Variants in AUTS2 observed in about 807,000 individuals in gnomAD.
AUTS2 encodes the protein autism susceptibility gene 2 protein.
AUTS2 carries 17 observed loss-of-function variants against 112.4 expected under a neutral mutation model. The ratio of observed to expected loss-of-function variants is 0.15; its 90% CI spans 0.10 to 0.23. The LOEUF (loss-of-function observed/expected upper bound fraction) is 0.23, where lower values mean the gene tolerates loss of function less well. Ranked by LOEUF, AUTS2 falls within the 10% of genes least tolerant of loss-of-function variation. The probability of loss-of-function intolerance (pLI) is 1.00; values close to 1 mark genes in which losing one functional copy is unlikely to be tolerated. For synonymous variants in AUTS2, 751 were observed against 702.7 expected (o/e 1.07, Z -1.09); for missense variants, 1,510 against 1,701.6 (o/e 0.89, Z 1.98).
At chr7:70,535,209 A>T (rs916042053) in intron 5 of AUTS2, among the ~76,000 whole-genome samples, 1 of 152,204 alleles carries the variant, frequency 6.6e-6, no homozygotes, top group African/African-American at 2.4e-5. Context: ...TTATGGGATT[A>T]TTGGCAGAAT....
chr7:69,832,219 T>C (rs1791534055), intron 1 of AUTS2, among the ~76,000 whole-genome samples: 1 of 152,216 alleles, frequency 6.6e-6, no homozygotes, highest in Non-Finnish European at 1.5e-5. Context: ...AACCTTTTGT[T>C]TCTTTCTTCT....
At chr7:70,698,852 A>G (rs1397471929) in intron 6 of AUTS2, 11 of 414,748 alleles carry the variant, frequency 2.7e-5, no homozygotes, top group Non-Finnish European at 4.7e-5. Flanking sequence ...TGATTTGACT[A>G]ATCACTACTA....
intron 1 of AUTS2, among the ~76,000 whole-genome samples, chr7:69,689,669 TTTATTTATTTATTTATTTA>T (rs1797237230): frequency 7.1e-6 from 1 of 141,016 alleles, no homozygotes; most frequent in Non-Finnish European, 1.5e-5. Flanking sequence ...TATTTATTTA[TTTATTTATTTATTTATTTA>T]TTTATTTGAG....
chr7:70,665,529 G>A (rs950612082), intron 5 of AUTS2, among the ~76,000 whole-genome samples: 8 of 151,536 alleles, frequency 5.3e-5, no homozygotes, highest in African/African-American at 1.7e-4. Flanking sequence ...CTGAAGTCCT[G>A]GGCTCAAGTG....
chr7:69,606,920 C>T (rs953065892), intron 1 of AUTS2, among the ~76,000 whole-genome samples: 1 of 152,218 alleles, frequency 6.6e-6, no homozygotes, highest in African/African-American at 2.4e-5. Flanking sequence ...AGTGTGTCTT[C>T]TTTCTTCCAA....
intron 5 of AUTS2, among the ~76,000 whole-genome samples, chr7:70,560,118 G>A (rs183851150): frequency 3.4e-4 from 52 of 152,200 alleles, no homozygotes; most frequent in Non-Finnish European, 3.2e-4. Flanking sequence ...GCTCTATCCC[G>A]TTATATAGAT....
intron 4 of AUTS2, among the ~76,000 whole-genome samples, chr7:70,274,665 TA>T (rs1327929211): frequency 6.6e-6 from 1 of 152,082 alleles, no homozygotes; most frequent in Non-Finnish European, 1.5e-5. Context: ...TGCTCAAGCT[TA>T]AGGTCTGTAA....
intron 1 of AUTS2, among the ~76,000 whole-genome samples, chr7:69,687,631 A>G (rs886933242): frequency 1.3e-5 from 2 of 152,204 alleles, no homozygotes; most frequent in African/African-American, 4.8e-5. Flanking sequence ...GTATAGGTAA[A>G]TGATATTAGA....
At chr7:70,301,613 C>G (rs1789217683) in intron 4 of AUTS2, among the ~76,000 whole-genome samples, 1 of 151,990 alleles carries the variant, frequency 6.6e-6, no homozygotes, top group Non-Finnish European at 1.5e-5. Context: ...TCCTCACCAC[C>G]CTGCTGTAAT....
At chr7:69,612,749 G>A (rs931436473) in intron 1 of AUTS2, among the ~76,000 whole-genome samples, 7 of 152,122 alleles carry the variant, frequency 4.6e-5, no homozygotes, top group African/African-American at 1.2e-4. Context: ...GAGCCACTGC[G>A]CAGCATTTTA....
At chr7:70,223,528 G>A (rs1038459525) in intron 4 of AUTS2, among the ~76,000 whole-genome samples, 2 of 152,186 alleles carry the variant, frequency 1.3e-5, no homozygotes, top group Admixed American at 1.3e-4. Flanking sequence ...TAAAAGTACA[G>A]CATATACAGT....
At chr7:70,323,397 A>T (rs1010102770) in intron 4 of AUTS2, among the ~76,000 whole-genome samples, 6 of 152,166 alleles carry the variant, frequency 3.9e-5, no homozygotes, top group African/African-American at 1.2e-4. Context: ...TGTCACCCTC[A>T]TGAAGTGGTA....
intron 5 of AUTS2, among the ~76,000 whole-genome samples, chr7:70,561,670 T>C (rs1338147907): frequency 6.6e-6 from 1 of 152,040 alleles, no homozygotes; most frequent in African/African-American, 2.4e-5. Flanking sequence ...TTACGTTAGG[T>C]TGATAAGATG....
At chr7:69,854,563 G>T (rs1174507685) in intron 1 of AUTS2, among the ~76,000 whole-genome samples, 2 of 152,046 alleles carry the variant, frequency 1.3e-5, no homozygotes, top group Non-Finnish European at 2.9e-5. Context: ...TTATCTGTCA[G>T]CGTGTCTGTG....
rs1264698869 is a variant in AUTS2 at position 70,435,780 on chromosome 7, A to G, written c.689A>G (p.Lys230Arg). 6.2e-7 allele frequency: 1 copy of G among 1,613,982 alleles called. No individual in the cohort carries two copies. Among genetic ancestry groups the G allele is most frequent in the Non-Finnish European group, 8.5e-7 (1 of 1,179,876 alleles). ...GACAGTGACAGTGACCAGGAAGAGAAGGTAAGACCCCCCCTCCCCCATTGT... is the reference window on the plus strand; with the variant it reads ...GACAGTGACAGTGACCAGGAAGAGAGGGTAAGACCCCCCCTCCCCCATTGT... The part of the protein sequence containing the change: ...FCDSDSDQEE[K>R]ASDASSEKLF... Residue 230 changes from lysine (K) to arginine (R), a missense_variant and splice_region_variant, in exon 5 of 19, where the codon AAG becomes AGG. Transcript: ENST00000342771.
At chr7:70,290,695 T>A in intron 4 of AUTS2, 1 of 1,320,362 alleles carries the variant, frequency 7.6e-7, no homozygotes. Context: ...AGGTATCAGA[T>A]CCTTTGACAA....
intron 2 of AUTS2, among the ~76,000 whole-genome samples, chr7:70,025,966 A>G (rs1457549850): frequency 6.6e-6 from 1 of 152,146 alleles, no homozygotes; most frequent in African/African-American, 2.4e-5. Flanking sequence ...TTTCTGAACT[A>G]GGCACGAAAA....
intron 5 of AUTS2, among the ~76,000 whole-genome samples, chr7:70,573,303 A>G (rs1471564213): frequency 6.6e-6 from 1 of 152,214 alleles, no homozygotes; most frequent in Non-Finnish European, 1.5e-5. Flanking sequence ...GGGAACGTCA[A>G]TGCTGCCAAA....
At chr7:70,590,164 A>G (rs1361036226) in intron 5 of AUTS2, among the ~76,000 whole-genome samples, 2 of 150,722 alleles carry the variant, frequency 1.3e-5, no homozygotes, top group Admixed American at 6.6e-5. Flanking sequence ...GTATGTATAT[A>G]TATATATATA....
Sources: allele counts gnomAD v4.1 joint callset (sites outside exome capture counted in the v4.1 genomes callset), GRCh38; gene constraint gnomAD v4.1.1; transcripts MANE v1.5; gene names NCBI Gene and HGNC (gene_info 2026-07-23, HGNC 2026-07-21).